The following SIRPG variants were observed in gnomAD, a reference collection of about 807,000 sequenced individuals.
SIRPG encodes signal-regulatory protein gamma.
A neutral mutation model predicts 35.7 loss-of-function variants in SIRPG; 38 were observed. The observed-to-expected ratio is 1.06, with a 90% CI of 0.82 to 1.40. SIRPG has a LOEUF of 1.40. Among genes scored for constraint, SIRPG ranks in the 40% most tolerant of loss-of-function variants. SIRPG has a pLI of 0.00. For synonymous variants in SIRPG, 215 were observed against 190.4 expected, an observed-to-expected ratio of 1.13 and a Z score of -1.06; for missense variants, 519 against 483.0, an observed-to-expected ratio of 1.07 and a Z score of -0.70.
intron 1 of SIRPG, among the ~76,000 whole-genome samples, chr20:1,652,011 G>A (rs1010295167): frequency 6.6e-6 from 1 of 152,096 alleles, no homozygotes; most frequent in Non-Finnish European, 1.5e-5. Flanking sequence ...AAATCAACAG[G>A]CACTCCTTTT....
the SIRPG span, among the ~76,000 whole-genome samples, chr20:1,680,219 G>T: frequency 6.6e-6 from 1 of 152,188 alleles, no homozygotes; most frequent in Admixed American, 6.5e-5. Context: ...GCCTGTTGGA[G>T]TCTCTTCACC....
At chr20:1,650,002 G>GTATATATATA (rs200260253) in intron 1 of SIRPG, among the ~76,000 whole-genome samples, 2,024 of 81,098 alleles carry the variant, frequency 0.025, 59 homozygotes, top group African/African-American at 0.035. Flanking sequence ...ACTTTGAAGT[G>GTATATATATA]TGTATATATA....
At chr20:1,651,096 G>A (rs1248777570) in intron 1 of SIRPG, 3 of 152,218 alleles carry the variant, frequency 2.0e-5, no homozygotes, top group Admixed American at 2.0e-4. Context: ...ACAAAGGCTT[G>A]CTTACAGGAA....
At position 1,635,314 on chromosome 20, in the gene SIRPG, A is replaced by C; in HGVS notation, c.1034T>G (p.Leu345Arg). The change falls in exon 4 of 6, where the codon CTA becomes CGA. Residue 345 changes from leucine to arginine, a missense_variant. Transcript: ENST00000303415. ...GQLAVSKRLA[L>R]EVTVHQKDQS... Reference sequence around the variant, plus strand: ...GTCCTTCTGGTGGACTGTGACCTCTAGGGCAAGGCGTTTGCTGACCGCCAG... The same window carrying C: ...GTCCTTCTGGTGGACTGTGACCTCTCGGGCAAGGCGTTTGCTGACCGCCAG... The C allele has an allele frequency of 6.2e-7, 1 of 1,614,174 alleles. No individual in the cohort carries two copies. The highest frequency in any genetic ancestry group is 1.3e-5 in the African/African-American group (1 of 75,052).
chr20:1,678,421 G>A, the SIRPG span, among the ~76,000 whole-genome samples: 1 of 152,146 alleles, frequency 6.6e-6, no homozygotes, highest in African/African-American at 2.4e-5. Context: ...GAACTTTAGA[G>A]TTGAAAGTAT....
At chr20:1,632,040 A>G (rs963603881) in intron 4 of SIRPG, among the ~76,000 whole-genome samples, 2 of 152,158 alleles carry the variant, frequency 1.3e-5, no homozygotes, top group African/African-American at 4.8e-5. Flanking sequence ...GAGTAGCAGA[A>G]TCACAGAGGA....
At chr20:1,634,947 A>G (rs6135471) in intron 4 of SIRPG, among the ~76,000 whole-genome samples, 41,328 of 150,456 alleles carry the variant, frequency 0.27, 6,263 homozygotes, top group East Asian at 0.61. Flanking sequence ...GGAGGCTGAG[A>G]CAGGAGAATG....
intron 2 of SIRPG, among the ~76,000 whole-genome samples, chr20:1,644,112 C>A (rs2091878303): frequency 6.6e-6 from 1 of 152,212 alleles, no homozygotes; most frequent in African/African-American, 2.4e-5. Context: ...AGTGAGTGTG[C>A]TTCAGTGGGG....
chr20:1,635,024 C>T (rs1190946724), intron 4 of SIRPG, among the ~76,000 whole-genome samples: 1 of 147,450 alleles, frequency 6.8e-6, no homozygotes, highest in Non-Finnish European at 1.5e-5. Flanking sequence ...GTCTGGGCGA[C>T]AGAGCCAGAC....
At chr20:1,663,036 C>G in the SIRPG span, among the ~76,000 whole-genome samples, 1 of 151,926 alleles carries the variant, frequency 6.6e-6, no homozygotes, top group Non-Finnish European at 1.5e-5. Context: ...AATCATGGCC[C>G]GGCGCGGTAG....
the SIRPG span, among the ~76,000 whole-genome samples, chr20:1,682,927 T>C: frequency 6.6e-6 from 1 of 152,146 alleles, no homozygotes; most frequent in African/African-American, 2.4e-5. Context: ...ATTACATACA[T>C]AGCCAAGAAA....
At chr20:1,673,511 T>G in the SIRPG span, among the ~76,000 whole-genome samples, 1 of 151,998 alleles carries the variant, frequency 6.6e-6, no homozygotes, top group African/African-American at 2.4e-5. Flanking sequence ...GGAGGTTTGG[T>G]CATTACTGCT....
At chr20:1,660,996 A>C (rs1160160417), upstream of SIRPG, among the ~76,000 whole-genome samples, 2 of 152,234 alleles carry the variant, frequency 1.3e-5, no homozygotes, top group African/African-American at 4.8e-5. Context: ...TACCATCTTC[A>C]TAAGTTTGTG....
intron 2 of SIRPG, among the ~76,000 whole-genome samples, chr20:1,640,008 G>T (rs2091839548): frequency 1.3e-5 from 2 of 152,194 alleles, no homozygotes; most frequent in African/African-American, 4.8e-5. Context: ...GTACCATGCT[G>T]TTTTGGTTAC....
the SIRPG span, among the ~76,000 whole-genome samples, chr20:1,670,578 T>C: frequency 6.6e-6 from 1 of 152,146 alleles, no homozygotes; most frequent in East Asian, 1.9e-4. Flanking sequence ...TAGTAGGTGC[T>C]CATTAATCGT....
intron 1 of SIRPG, chr20:1,651,356 TCTAGTAAAACC>T (rs1303212809): frequency 6.6e-6 from 1 of 152,390 alleles, no homozygotes; most frequent in East Asian, 1.9e-4. Context: ...ACTGAAACGT[TCTAGTAAAACC>T]CATCATGCTT....
chr20:1,673,256 T>C, the SIRPG span, among the ~76,000 whole-genome samples: 1 of 152,232 alleles, frequency 6.6e-6, no homozygotes, highest in Non-Finnish European at 1.5e-5. Flanking sequence ...AATTTCCATT[T>C]ATGGGAGCCT....
rs368883967 is a variant in SIRPG at position 1,636,465 on chromosome 20, C to G, written c.471G>C (p.Arg157Ser). Residue 157 changes from arginine to serine, a missense_variant, in exon 3 of 6, where the codon AGG becomes AGC. Physicochemically the swap from Arg to Ser is moderately radical, Grantham distance 110. Coordinates refer to ENST00000303415, the MANE Select transcript of SIRPG (RefSeq NM_018556.4). ...AACTCACTGTATGCTCAGGTGTGGT[C>G]CTCGCCGCAGGGCCCAATACCACGG... is the stretch of plus-strand genomic sequence containing the variant. The part of the protein sequence containing the change: ...SAPVVLGPAA[R>S]TTPEHTVSFT... 1.9e-6 allele frequency: 3 copies of G among 1,614,222 alleles called. No homozygotes were observed. Among genetic ancestry groups the G allele is most frequent in the Non-Finnish European group, 2.5e-6 (3 of 1,180,034 alleles).
the SIRPG span, among the ~76,000 whole-genome samples, chr20:1,666,193 A>C: frequency 1.6e-4 from 24 of 152,210 alleles, no homozygotes; most frequent in Non-Finnish European, 3.1e-4. Context: ...AAGAGAAAAA[A>C]ATTTTTGTAC....
Sources: gnomAD v4.1 joint callset for allele counts (sites outside exome capture counted in the v4.1 genomes callset) on GRCh38, gnomAD v4.1.1 for gene constraint, MANE v1.5 for transcripts, NCBI Gene and HGNC (gene_info 2026-07-23, HGNC 2026-07-21) for gene names.